The following CEP192 variants were observed in gnomAD, a reference collection of about 807,000 sequenced individuals.
CEP192 encodes the protein centrosomal protein of 192 kDa.
Under a neutral mutation model 271.8 loss-of-function variants are expected in CEP192, and 151 were observed. The observed-to-expected ratio is 0.56, with a 90% CI of 0.49 to 0.64. CEP192 has a LOEUF of 0.64. CEP192 is among the 30% of genes least tolerant of loss of function. CEP192 has a pLI of 0.00. For synonymous variants in CEP192, 995 were observed against 1,076.5 expected, an observed-to-expected ratio of 0.92 and a Z score of 1.48; for missense variants, 2,910 against 3,020.5, an observed-to-expected ratio of 0.96 and a Z score of 0.86.
At chr18:13,107,715 A>G in intron 40 of CEP192, among the ~76,000 whole-genome samples, 1 of 152,168 alleles carries the variant, frequency 6.6e-6, no homozygotes, top group East Asian at 1.9e-4. Context: ...GTTTTAGGTA[A>G]CCTCCAATTG....
In CEP192 at chr18:13,038,439, T is replaced by G; in HGVS notation, c.1669T>G (p.Tyr557Asp). ...TACGTCCTGGGGAGCTACAATTAAT[T>G]ACAGTCTGTTGAGGAAATCACGTAG... is the stretch of plus-strand genomic sequence containing the variant. ...GDTSWGATIN[Y>D]SLLRKSRSTS... The change falls in exon 13 of 45, where the codon TAC becomes GAC. Residue 557 changes from tyrosine (Y) to aspartate (D), a missense_variant. Coordinates refer to ENST00000506447, the MANE Select transcript of CEP192 (RefSeq NM_032142.4). The G allele has an allele frequency of 6.4e-7, 1 of 1,551,666 alleles. No homozygotes were observed. Among genetic ancestry groups the G allele is most frequent in the Non-Finnish European group, 8.7e-7 (1 of 1,146,946 alleles).
intron 31 of CEP192, 87 bp downstream of exon 31, chr18:13,087,364 A>G: frequency 1.8e-5 from 21 of 1,196,478 alleles, no homozygotes; most frequent in Non-Finnish European, 2.3e-5. Flanking sequence ...AGCTAAAATA[A>G]TACTTGAAAA....
chr18:13,055,898 C>A lies in CEP192; in HGVS notation c.3308C>A (p.Thr1103Lys). The change falls in exon 19 of 45, where the codon ACA becomes AAA. Residue 1103 changes from threonine (T) to lysine (K), a missense_variant. Physicochemically the swap from Thr to Lys is moderately conservative, Grantham distance 78. Coordinates refer to ENST00000506447, the MANE Select transcript of CEP192 (RefSeq NM_032142.4). ...CCATTTCAGAATAGAGGAAAAGGAACATTATCATCTATTATCCAGAATAAC... is the reference window on the plus strand; with the variant it reads ...CCATTTCAGAATAGAGGAAAAGGAAAATTATCATCTATTATCCAGAATAAC... Reference protein sequence around the residue: ...KVPFQNRGKGTLSSIIQNNSD... With the variant: ...KVPFQNRGKGKLSSIIQNNSD... 2.5e-6 allele frequency: 4 copies of A among 1,613,962 alleles called. No homozygotes were observed. Among genetic ancestry groups the A allele is most frequent in the Non-Finnish European group, 2.5e-6 (3 of 1,179,928 alleles).
At chr18:13,072,020 T>C (rs999204039) in intron 28 of CEP192, among the ~76,000 whole-genome samples, 4 of 152,264 alleles carry the variant, frequency 2.6e-5, no homozygotes, top group African/African-American at 9.6e-5. Context: ...CACGTAATTC[T>C]TCCCCAGTCA....
At chr18:13,074,188 A>T (rs962587085) in intron 30 of CEP192, among the ~76,000 whole-genome samples, 1 of 152,220 alleles carries the variant, frequency 6.6e-6, no homozygotes, top group Admixed American at 6.5e-5. Flanking sequence ...TACAAGATTA[A>T]CAATATCTAA....
intron 36 of CEP192, among the ~76,000 whole-genome samples, chr18:13,096,586 C>G (rs952130111): frequency 1.1e-4 from 17 of 152,174 alleles, no homozygotes; most frequent in African/African-American, 3.9e-4. Context: ...TGGAAGACTT[C>G]AGAGCGTTTC....
chr18:13,063,211 C>T (rs2037503716), intron 21 of CEP192, among the ~76,000 whole-genome samples: 1 of 152,122 alleles, frequency 6.6e-6, no homozygotes, highest in African/African-American at 2.4e-5. Flanking sequence ...TACTGATTTC[C>T]TTTCTTTTGG....
chr18:13,102,855 G>A (rs904365471), intron 38 of CEP192, among the ~76,000 whole-genome samples: 1 of 152,076 alleles, frequency 6.6e-6, no homozygotes, highest in Non-Finnish European at 1.5e-5. Context: ...CCGTGTGCTC[G>A]GGCCCAGGCA....
intron 9 of CEP192, among the ~76,000 whole-genome samples, chr18:13,026,390 T>C (rs1348675458): frequency 1.3e-5 from 2 of 152,246 alleles, no homozygotes; most frequent in African/African-American, 4.8e-5. Context: ...GCAGTATGCC[T>C]TTATCTTATT....
chr18:13,024,307 A>G (rs1222057075), intron 9 of CEP192: 5 of 456,134 alleles, frequency 1.1e-5, no homozygotes, highest in African/African-American at 8.0e-5. Context: ...TAATATAGCT[A>G]TTCCTGCTTT....
At chr18:13,114,837 T>G (rs960366251) in intron 42 of CEP192, among the ~76,000 whole-genome samples, 16 of 152,230 alleles carry the variant, frequency 1.1e-4, no homozygotes, top group Admixed American at 1.0e-3. Context: ...CCCTAAATAG[T>G]TGTACCATTT....
chr18:13,077,681 T>TA (rs1293198417), intron 30 of CEP192, among the ~76,000 whole-genome samples: 1 of 152,196 alleles, frequency 6.6e-6, no homozygotes, highest in Non-Finnish European at 1.5e-5. Context: ...CTTGAAAAGT[T>TA]GTTTGAGTTC....
At chr18:13,033,523 C>G (rs1194968758) in intron 11 of CEP192, among the ~76,000 whole-genome samples, 4 of 152,202 alleles carry the variant, frequency 2.6e-5, no homozygotes, top group Non-Finnish European at 5.9e-5. Context: ...AGCAAAGTTA[C>G]GCATGTACTA....
At chr18:13,010,387 T>A (rs1314969284) in intron 4 of CEP192, among the ~76,000 whole-genome samples, 2 of 152,222 alleles carry the variant, frequency 1.3e-5, no homozygotes, top group Admixed American at 1.3e-4. Flanking sequence ...ACACATTATA[T>A]GTTAGAAAAA....
chr18:13,039,618 T>C (rs1299713076), intron 13 of CEP192, among the ~76,000 whole-genome samples: 1 of 151,834 alleles, frequency 6.6e-6, no homozygotes, highest in Non-Finnish European at 1.5e-5. Context: ...AGGAGCAGGG[T>C]AGGCAGGTAT....
At position 13,029,748 on chromosome 18, in the gene CEP192, C is replaced by G; in HGVS notation, c.1136C>G (p.Ala379Gly). The change falls in exon 10 of 45, where the codon GCC becomes GGC. Residue 379 changes from alanine (A) to glycine (G), a missense_variant. Coordinates refer to ENST00000506447, the MANE Select transcript of CEP192 (RefSeq NM_032142.4). ...TCTGATAATTTTCATGATGCAAATGCCAATAGAGGTGGTTTTGATCTGACT... is the reference window on the plus strand; with the variant it reads ...TCTGATAATTTTCATGATGCAAATGGCAATAGAGGTGGTTTTGATCTGACT... ...LNSDNFHDAN[A>G]NRGGFDLTDP... 3.2e-6 allele frequency: 5 copies of G among 1,551,416 alleles called. No individual in the cohort carries two copies. The highest frequency in any genetic ancestry group is 4.4e-6 in the Non-Finnish European group (5 of 1,146,794).
At chr18:13,100,126 G>A (rs1324280658) in intron 37 of CEP192, among the ~76,000 whole-genome samples, 179 bp from the exon 38 acceptor site, 2 of 152,208 alleles carry the variant, frequency 1.3e-5, no homozygotes. Flanking sequence ...CAAAGGTAAT[G>A]GGAGAGAGGA....
chr18:13,068,308 T>A, intron 23 of CEP192, 51 bp from the exon 24 acceptor site: 1 of 1,591,724 alleles, frequency 6.3e-7, no homozygotes, highest in East Asian at 2.2e-5. Context: ...ATTAAGATAG[T>A]AATATTAATA....
intron 11 of CEP192, among the ~76,000 whole-genome samples, chr18:13,034,129 TTAAAAAA>T (rs2035783699): frequency 6.6e-6 from 1 of 152,134 alleles, no homozygotes; most frequent in Non-Finnish European, 1.5e-5. Flanking sequence ...TGTATTACTA[TTAAAAAA>T]TAAAAAATGA....
Sources: gnomAD v4.1 joint callset for allele counts (sites outside exome capture counted in the v4.1 genomes callset) on GRCh38, gnomAD v4.1.1 for gene constraint, MANE v1.5 for transcripts, NCBI Gene and HGNC (gene_info 2026-07-23, HGNC 2026-07-21) for gene names.